Variants in METAP2 observed in about 807,000 individuals in gnomAD.
METAP2 encodes the protein methionine aminopeptidase 2.
METAP2 carries 25 observed loss-of-function variants against 59.4 expected under a neutral mutation model. That is an observed-to-expected ratio of 0.42 (90% CI 0.31 to 0.59). The LOEUF (loss-of-function observed/expected upper bound fraction) is 0.59, where lower values mean the gene tolerates loss of function less well. Ranked by LOEUF, METAP2 falls within the 20% of genes least tolerant of loss-of-function variation. METAP2 has a pLI of 0.16. For synonymous variants in METAP2, 214 were observed against 194.1 expected, an observed-to-expected ratio of 1.10 and a Z score of -0.85; for missense variants, 366 against 581.2, an observed-to-expected ratio of 0.63 and a Z score of 3.81.
At chr12:95,488,293 A>G (rs2076212054) in intron 4 of METAP2, among the ~76,000 whole-genome samples, 2 of 151,874 alleles carry the variant, frequency 1.3e-5, no homozygotes, top group Non-Finnish European at 2.9e-5. Context: ...TAAGGTCAGG[A>G]GTTCAAGACC....
intron 2 of METAP2, chr12:95,481,996 C>G (rs2076161652): frequency 3.4e-6 from 1 of 298,202 alleles, no homozygotes; most frequent in Admixed American, 4.4e-5. Flanking sequence ...AAGAAGGTTA[C>G]TGTTAACGTT....
intron 7 of METAP2, among the ~76,000 whole-genome samples, chr12:95,498,540 C>T (rs1418073660): frequency 6.6e-6 from 1 of 152,058 alleles, no homozygotes; most frequent in East Asian, 1.9e-4. Context: ...ACTCCGTTTC[C>T]TTTTAAGGTA....
chr12:95,493,102 A>G (rs901682241), intron 4 of METAP2, among the ~76,000 whole-genome samples: 1 of 149,640 alleles, frequency 6.7e-6, no homozygotes, highest in Non-Finnish European at 1.5e-5. Context: ...AATTGTTTAG[A>G]TTTTTTTTTT....
intron 3 of METAP2, among the ~76,000 whole-genome samples, chr12:95,485,027 TC>T (rs2076185388): frequency 6.6e-6 from 1 of 152,218 alleles, no homozygotes; most frequent in African/African-American, 2.4e-5. Flanking sequence ...ATTTTCCTCA[TC>T]TATACAGTGG....
intron 8 of METAP2, among the ~76,000 whole-genome samples, chr12:95,505,857 G>A (rs1345300380): frequency 6.6e-6 from 1 of 151,744 alleles, no homozygotes; most frequent in Non-Finnish European, 1.5e-5. Context: ...AACTTTGGGA[G>A]GCCAAAGTGG....
intron 4 of METAP2, among the ~76,000 whole-genome samples, chr12:95,490,159 CGG>C (rs1399829335): frequency 6.7e-6 from 1 of 149,952 alleles, no homozygotes; most frequent in African/African-American, 2.5e-5. Context: ...TGGAATACAG[CGG>C]TGTGATCATA....
In METAP2 at chr12:95,511,389, G is replaced by GTTTTTTTTTT. The variant is rs11301070; in HGVS notation, c.965-491_965-482dup. Among the ~76,000 whole-genome samples the GTTTTTTTTTT allele has an allele frequency of 1.1e-4, 7 of 61,128 alleles. 1 individual carries two copies. The highest frequency in any genetic ancestry group is 6.0e-4 in the Admixed American group (2 of 3,316). 40.1% of individuals were successfully genotyped at this position (61,128 alleles called of 152,430 possible). On this transcript the variant is annotated intron_variant, in intron 8 of 10. Transcript: ENST00000323666. ...TTCTTCCATCCTCCCTTCTAGCACC[G>GTTTTTTTTTT]TTTTTTTTTTTTTTTTTTTTTTTTG...
intron 3 of METAP2, chr12:95,484,884 A>T (rs939654300): frequency 4.4e-6 from 2 of 454,836 alleles, no homozygotes; most frequent in Non-Finnish European, 8.8e-6. Context: ...GTACTATTCT[A>T]TGTTCTTGTT....
intron 4 of METAP2, among the ~76,000 whole-genome samples, chr12:95,492,132 TTGTG>T (rs61423721): frequency 1.3e-4 from 19 of 149,310 alleles, no homozygotes; most frequent in Non-Finnish European, 1.9e-4. Context: ...ATATGTGTGT[TTGTG>T]TGTGTGTGTG....
chr12:95,496,821 CTTTTTT>C (rs777002045), intron 7 of METAP2, among the ~76,000 whole-genome samples: 1 of 100,934 alleles, frequency 9.9e-6, no homozygotes, highest in Non-Finnish European at 1.9e-5. Context: ...CTTTTTCTTT[CTTTTTT>C]TTTTTTTTTT....
chr12:95,480,643 T>C (rs1010364874), intron 2 of METAP2, among the ~76,000 whole-genome samples: 3 of 152,368 alleles, frequency 2.0e-5, no homozygotes, highest in Middle Eastern at 3.4e-3. Context: ...TTTATTTGCT[T>C]TTTCCTTTAT....
intron 7 of METAP2, among the ~76,000 whole-genome samples, chr12:95,497,439 G>T (rs1191116349): frequency 6.6e-6 from 1 of 152,202 alleles, no homozygotes; most frequent in African/African-American, 2.4e-5. Context: ...ATAATCTATT[G>T]TGTGTATATA....
intron 7 of METAP2, among the ~76,000 whole-genome samples, chr12:95,503,253 A>G (rs1187356184): frequency 6.6e-6 from 1 of 151,912 alleles, no homozygotes; most frequent in Non-Finnish European, 1.5e-5. Context: ...CTTGTAACCA[A>G]TCTCTGCCAA....
At chr12:95,512,945 G>A in intron 10 of METAP2, 29 bp downstream of exon 10, 1 of 1,294,996 alleles carries the variant, frequency 7.7e-7, no homozygotes, top group Non-Finnish European at 1.1e-6. Context: ...GATTTTATGT[G>A]GCTAATTAGC....
Position 95,514,524 on chromosome 12 carries a change from T to C in METAP2, c.*620T>C, listed in dbSNP as rs1178782264. 1.3e-5 allele frequency: 2 copies of C among 152,364 alleles called. No homozygotes were observed. Among genetic ancestry groups the C allele is most frequent in the African/African-American group, 4.8e-5 (2 of 41,588 alleles). The allele number at this position is 152,364 out of a possible 1,614,324, so 9.4% of individuals were successfully genotyped here. A position where few individuals can be genotyped will look rare whatever the true frequency, so the allele number is the denominator to read the frequency against. On this transcript the variant is annotated 3_prime_UTR_variant, in exon 11 of 11. Coordinates refer to ENST00000323666, the MANE Select transcript of METAP2 (RefSeq NM_006838.4). Reference sequence around the variant, plus strand: ...GGGACAATCACCTTTTCTTCATAAATATACAGCTTTAGGAATATTTCACCA... The same window carrying C: ...GGGACAATCACCTTTTCTTCATAAACATACAGCTTTAGGAATATTTCACCA...
intron 3 of METAP2, chr12:95,484,803 A>ATT: frequency 4.1e-5 from 18 of 434,016 alleles, no homozygotes; most frequent in South Asian, 1.7e-4. Context: ...TGTGCAAATA[A>ATT]TTTTTTTTTA....
intron 3 of METAP2, among the ~76,000 whole-genome samples, chr12:95,485,419 A>G (rs1422181627): frequency 1.3e-5 from 2 of 152,174 alleles, no homozygotes; most frequent in Non-Finnish European, 2.9e-5. Flanking sequence ...TCAGAAAACC[A>G]TGATTGATTA....
chr12:95,483,101 TAAAC>T (rs1180731195), intron 2 of METAP2, 110 bp from the exon 3 acceptor site: 1 of 820,246 alleles, frequency 1.2e-6, no homozygotes. Flanking sequence ...CAAGATAAAA[TAAAC>T]TAACGTTTGT....
intron 7 of METAP2, among the ~76,000 whole-genome samples, chr12:95,500,166 T>G (rs2076304912): frequency 6.6e-6 from 1 of 152,038 alleles, no homozygotes; most frequent in Non-Finnish European, 1.5e-5. Flanking sequence ...TTTTTTTTAG[T>G]TATTGTTAAT....
Sources: allele counts gnomAD v4.1 joint callset (sites outside exome capture counted in the v4.1 genomes callset), GRCh38; gene constraint gnomAD v4.1.1; transcripts MANE v1.5; gene names NCBI Gene and HGNC (gene_info 2026-07-23, HGNC 2026-07-21).